Variants in ZBTB40 observed in about 807,000 individuals in gnomAD.
ZBTB40 encodes the protein zinc finger and BTB domain-containing protein 40.
In ZBTB40, 60 loss-of-function variants were observed where a neutral mutation model predicts 117.5. That is an observed-to-expected ratio of 0.51 (90% CI 0.41 to 0.63). ZBTB40 has a LOEUF of 0.63. Among genes scored for constraint, ZBTB40 ranks in the 30% least tolerant of loss-of-function variants. The pLI is 0.00. For synonymous variants in ZBTB40, 525 were observed against 577.1 expected, an observed-to-expected ratio of 0.91 and a Z score of 1.29; for missense variants, 1,287 against 1,498.5, an observed-to-expected ratio of 0.86 and a Z score of 2.33.
chr1:22,485,906 A>T (rs1322095708), intron 1 of ZBTB40, among the ~76,000 whole-genome samples: 1 of 151,578 alleles, frequency 6.6e-6, no homozygotes, highest in African/African-American at 2.4e-5. Flanking sequence ...CTTTCTTAGA[A>T]TTTCCATTTC....
intron 1 of ZBTB40, among the ~76,000 whole-genome samples, chr1:22,486,722 G>T (rs1206732011): frequency 1.4e-4 from 2 of 14,460 alleles, no homozygotes; most frequent in Non-Finnish European, 2.0e-4. Flanking sequence ...CATTTTTTTT[G>T]TTTTGTTTTG....
At chr1:22,510,733 C>A (rs1639209669) in intron 9 of ZBTB40, among the ~76,000 whole-genome samples, 1 of 152,118 alleles carries the variant, frequency 6.6e-6, no homozygotes, top group African/African-American at 2.4e-5. Context: ...AAATATGAAG[C>A]CACTGATCAT....
Position 22,512,973 on chromosome 1 carries a change from C to T in ZBTB40, c.2511C>T (p.Ser837=), listed in dbSNP as rs937039503. 1.2e-6 allele frequency: 2 copies of T among 1,614,102 alleles called. No individual in the cohort carries two copies. The highest frequency in any genetic ancestry group is 1.3e-5 in the African/African-American group (1 of 74,940). ...LTEHFDEKPF[S]CEECGAKFAA... Reference sequence around the variant, plus strand: ...AGCACTTCGATGAGAAGCCTTTCTCCTGTGAAGAGTGTGGGGCGAAGTTTG... The same window carrying T: ...AGCACTTCGATGAGAAGCCTTTCTCTTGTGAAGAGTGTGGGGCGAAGTTTG... Residue 837 remains serine (S), a synonymous_variant, in exon 12 of 18, where the codon TCC becomes TCT. Coordinates refer to ENST00000375647, the MANE Select transcript of ZBTB40 (RefSeq NM_014870.4).
At position 22,465,516 on chromosome 1, in the gene ZBTB40, G is replaced by A. The variant is rs966090667; in HGVS notation, c.-70+13512G>A. Among the ~76,000 whole-genome samples the A allele has an allele frequency of 4.6e-5, 7 of 152,160 alleles. No homozygotes were observed. The South Asian group carries it at 1.4e-3, about 31-fold the overall frequency. On this transcript the variant is annotated intron_variant, in intron 1 of 17. Transcript: ENST00000375647. ...GGCAGCCAGGCCCCCCAGCCTTCAG[G>A]CCCCTGCCTGGCCTGAAGGAGGGAC...
In ZBTB40 at chr1:22,508,476, C is replaced by T. The variant is rs112826825; in HGVS notation, c.1498-54C>T. ...AATATCTAGACTTGCAGCTCTGCAG[C>T]TGGGCTAGTGGCTGGAGAGTCTCTT... On this transcript the variant is annotated intron_variant, in intron 7 of 17. Coordinates refer to ENST00000375647, the MANE Select transcript of ZBTB40 (RefSeq NM_014870.4). 9.9e-5 allele frequency: 159 copies of T among 1,600,798 alleles called. No individual in the cohort carries two copies. In the African/African-American group the frequency reaches 1.8e-3, roughly 18 times the overall value.
At position 22,513,648 on chromosome 1, in the gene ZBTB40, CTGAGA is replaced by C. The variant is rs1639301315; in HGVS notation, c.2668+520_2668+524del. 6.6e-6 allele frequency among the ~76,000 whole-genome samples: 1 copy of C among 152,134 alleles called. No homozygotes were observed. The highest frequency in any genetic ancestry group is 2.4e-5 in the African/African-American group (1 of 41,426). On this transcript the variant is annotated intron_variant, in intron 12 of 17. Coordinates refer to ENST00000375647, the MANE Select transcript of ZBTB40 (RefSeq NM_014870.4). The surrounding 1 kb of genome is among the most constrained non-coding windows in gnomAD (Gnocchi z 4.9). ...CCTGGGAGGTGGAACTTGCAGTGAG[CTGAGA>C]TTGTGCCACTGCACTCCAGCCTGGG...
At chr1:22,452,154 CG>C (rs1018692477) in intron 1 of ZBTB40, 150 bp downstream of exon 1, 30 of 152,674 alleles carry the variant, frequency 2.0e-4, no homozygotes, top group African/African-American at 6.7e-4. Context: ...ACCTACACCC[CG>C]GACGTGCCCC....
rs116582384 is a variant in ZBTB40, at chr1:22,494,897, C to T, written c.831+3364C>T. Among the ~76,000 whole-genome samples, 547 of 152,322 alleles carry T rather than the reference C, an allele frequency of 3.6e-3. 1 individual carries two copies. Among genetic ancestry groups the T allele is most frequent in the African/African-American group, 0.013 (521 of 41,578 alleles). On this transcript the variant is annotated intron_variant, in intron 3 of 17. Coordinates refer to ENST00000375647, the MANE Select transcript of ZBTB40 (RefSeq NM_014870.4). ...AATTACAGATTTCACCATAAGGCTT[C>T]AGCAATGAGCGCATTTAAGAGCTGT...
upstream of ZBTB40, among the ~76,000 whole-genome samples, chr1:22,451,400 C>T (rs1013903638): frequency 1.3e-5 from 2 of 151,970 alleles, no homozygotes; most frequent in Non-Finnish European, 2.9e-5. Flanking sequence ...GGTGGGAGGC[C>T]GAGGCAGGTG....
At chr1:22,521,360 G>T in intron 14 of ZBTB40, 136 bp from the exon 15 acceptor site, 1 of 1,100,492 alleles carries the variant, frequency 9.1e-7, no homozygotes, top group Non-Finnish European at 1.4e-6. Flanking sequence ...TCAGCACCCG[G>T]TGTGATAGGT....
At chr1:22,511,557 A>G in intron 10 of ZBTB40, 119 bp from the exon 11 acceptor site, 2 of 1,276,936 alleles carry the variant, frequency 1.6e-6, no homozygotes, top group South Asian at 2.9e-5. Context: ...ATATTACTTC[A>G]GAGTGTTTTT....
Position 22,508,201 on chromosome 1 carries a change from TAC to T in ZBTB40, c.1497+74_1497+75del, listed in dbSNP as rs908059534. The T allele has an allele frequency of 7.7e-5, 117 of 1,519,912 alleles. No homozygotes were observed. The Admixed American group carries it at 1.2e-3, about 15-fold the overall frequency. 94.2% of individuals were successfully genotyped at this position (1,519,912 alleles called of 1,614,324 possible). On this transcript the variant is annotated intron_variant, in intron 7 of 17. Transcript: ENST00000375647. ...ATGAGAAAGAAGGAAAAAATATGAA[TAC>T]ACACACACATTTATATTTTCTGTAA...
intron 12 of ZBTB40, among the ~76,000 whole-genome samples, chr1:22,515,452 A>G (rs1172618187): frequency 1.1e-4 from 17 of 152,346 alleles, no homozygotes; most frequent in Admixed American, 1.1e-3. Context: ...ATAGCAATCC[A>G]AGATGGGTCT....
chr1:22,481,077 A>G (rs1385760429), intron 1 of ZBTB40, among the ~76,000 whole-genome samples: 2 of 151,696 alleles, frequency 1.3e-5, no homozygotes, highest in African/African-American at 2.4e-5. Context: ...CTCAATTCCC[A>G]CTTACTGTTC....
Position 22,435,429 on chromosome 1 carries a change from A to G in ZBTB40, c.-70+6415A>G, listed in dbSNP as rs528263238. On this transcript the variant is annotated intron_variant, in intron 1 of 8. Transcript: ENST00000650433. ...TATATTTGTTTAATATTCCATCTCC[A>G]CCTTATCTTAGCACATTTTACTTCT... Among the ~76,000 whole-genome samples, 23 of 151,770 alleles carry G rather than the reference A, an allele frequency of 1.5e-4. No individual in the cohort carries two copies. In the South Asian group the frequency reaches 4.6e-3, roughly 30 times the overall value.
rs1331930081 is a variant in ZBTB40 at position 22,522,346 on chromosome 1, C to G, written c.3212-31C>G. ...TTGGAGAGCCAACCATTTGTTCTTTCCCAGCACGTCTTTCTTTATGCACTT... is the reference window on the plus strand; with the variant it reads ...TTGGAGAGCCAACCATTTGTTCTTTGCCAGCACGTCTTTCTTTATGCACTT... On this transcript the variant is annotated intron_variant, in intron 15 of 17. Transcript: ENST00000375647. 1.9e-6 allele frequency: 3 copies of G among 1,610,720 alleles called. No homozygotes were observed. The African/African-American group carries it at 4.0e-5, about 22-fold the overall frequency.
intron 1 of ZBTB40, among the ~76,000 whole-genome samples, chr1:22,445,323 C>T (rs965281846): frequency 1.2e-4 from 19 of 152,126 alleles, no homozygotes; most frequent in African/African-American, 4.6e-4. Flanking sequence ...TATCCAATTC[C>T]AGCCCACTGA....
intron 1 of ZBTB40, among the ~76,000 whole-genome samples, chr1:22,469,856 G>A (rs1641358568): frequency 6.6e-6 from 1 of 152,134 alleles, no homozygotes; most frequent in African/African-American, 2.4e-5. Flanking sequence ...AGTTCTAGTG[G>A]CAGTGGATTG....
intron 3 of ZBTB40, among the ~76,000 whole-genome samples, chr1:22,499,588 T>C (rs1218874997): frequency 1.3e-5 from 2 of 152,244 alleles, no homozygotes; most frequent in African/African-American, 2.4e-5. Flanking sequence ...CAAGATGAGT[T>C]ACCTTAGGTT....
Sources: allele counts gnomAD v4.1 joint callset (sites outside exome capture counted in the v4.1 genomes callset), GRCh38; gene constraint gnomAD v4.1.1; non-coding constraint Gnocchi (gnomAD v3.1); transcripts MANE v1.5; gene names NCBI Gene and HGNC (gene_info 2026-07-23, HGNC 2026-07-21).